Variants in PSMA1 observed in about 807,000 individuals in gnomAD.
PSMA1 encodes the protein proteasome 20S subunit alpha 1, also known as proteasome subunit alpha type-1.
Under a neutral mutation model 38.4 loss-of-function variants are expected in PSMA1, and 3 were observed. The observed-to-expected ratio is 0.08, with a 90% CI of 0.04 to 0.20. PSMA1 has a LOEUF of 0.20. PSMA1 is among the 10% of genes least tolerant of loss of function. The pLI, the probability that PSMA1 is intolerant of heterozygous loss-of-function variation, is 1.00. For synonymous variants in PSMA1, 101 were observed against 107.1 expected, an observed-to-expected ratio of 0.94 and a Z score of 0.35; for missense variants, 227 against 325.3, an observed-to-expected ratio of 0.70 and a Z score of 2.32.
chr11:14,638,539 CTCTCTCTATATATATATA>C (rs1332390089), intron 1 of PSMA1, among the ~76,000 whole-genome samples: 18 of 19,202 alleles, frequency 9.4e-4, no homozygotes, highest in South Asian at 4.4e-3. Flanking sequence ...CTCTCTCTCT[CTCTCTCTATATATATATA>C]TATATATATA....
chr11:14,544,412 T>A (rs1435602134), intron 2 of PSMA1, among the ~76,000 whole-genome samples: 1 of 152,130 alleles, frequency 6.6e-6, no homozygotes, highest in Non-Finnish European at 1.5e-5. Context: ...AAAAAAAAAT[T>A]GCAAATCATA....
chr11:14,622,755 T>G (rs540575622), intron 1 of PSMA1, among the ~76,000 whole-genome samples: 1 of 152,144 alleles, frequency 6.6e-6, no homozygotes, highest in South Asian at 2.1e-4. Context: ...AGTGAAGAGG[T>G]CCAGGCTGCA....
intron 2 of PSMA1, among the ~76,000 whole-genome samples, chr11:14,557,404 C>A (rs1851952532): frequency 6.6e-6 from 1 of 151,988 alleles, no homozygotes; most frequent in South Asian, 2.1e-4. Context: ...CCACCACACC[C>A]AGCTAATTTT....
At chr11:14,516,464 T>C (rs1262947677) in intron 4 of PSMA1, among the ~76,000 whole-genome samples, 1 of 152,186 alleles carries the variant, frequency 6.6e-6, no homozygotes, top group Non-Finnish European at 1.5e-5. Flanking sequence ...GAATTATAGG[T>C]AGGAGCCACT....
intron 4 of PSMA1, among the ~76,000 whole-genome samples, chr11:14,517,436 T>C (rs1239470952): frequency 1.3e-5 from 2 of 152,188 alleles, no homozygotes; most frequent in African/African-American, 2.4e-5. Flanking sequence ...TTCTGAAAAG[T>C]GCTAATGTTT....
At chr11:14,516,665 C>A (rs1851434831) in intron 4 of PSMA1, among the ~76,000 whole-genome samples, 1 of 152,140 alleles carries the variant, frequency 6.6e-6, no homozygotes, top group Non-Finnish European at 1.5e-5. Flanking sequence ...GTGGCTCACA[C>A]CTATAATCCC....
At position 14,507,671 on chromosome 11, in the gene PSMA1, T is replaced by C; in HGVS notation, c.720A>G (p.Pro240=). ...GATTATATACCTGTGCCTTTCTCTG[T>C]GGTCTTTCTTCAAGACCTTCCAGGA... ...SPFLEGLEER[P]QRKAQPAQPA... is the part of the protein sequence containing the mutation. The change falls in exon 9 of 10, where the codon CCA becomes CCG. Residue 240 remains proline, a synonymous_variant. Transcript: ENST00000396394. 6.2e-7 allele frequency: 1 copy of C among 1,604,814 alleles called. No individual in the cohort carries two copies. Among genetic ancestry groups the C allele is most frequent in the Non-Finnish European group, 8.5e-7 (1 of 1,171,996 alleles).
chr11:14,553,408 A>C (rs746154604), intron 2 of PSMA1, among the ~76,000 whole-genome samples: 2 of 152,142 alleles, frequency 1.3e-5, no homozygotes, highest in Admixed American at 6.6e-5. Context: ...ACAACAGTAA[A>C]AGTCAAGATA....
At position 14,534,488 on chromosome 11, in the gene PSMA1, T is replaced by C. The variant is rs1363257637; in HGVS notation, c.22-15447A>G. Among the ~76,000 whole-genome samples, 1 of 152,188 alleles carries C rather than the reference T, an allele frequency of 6.6e-6. No individual in the cohort carries two copies. Among genetic ancestry groups the C allele is most frequent in the Non-Finnish European group, 1.5e-5 (1 of 68,044 alleles). On this transcript the variant is annotated intron_variant, in intron 2 of 10. Coordinates refer to the PSMA1 transcript ENST00000418988. This position sits in a 1 kb window ranked among gnomAD's most constrained non-coding sequence, Gnocchi z 4.5. ...CCTTTTTAAAATTTTAATTTTAATTTATTTGTTTATTTTTAGGACAGGCTT... is the reference window on the plus strand; with the variant it reads ...CCTTTTTAAAATTTTAATTTTAATTCATTTGTTTATTTTTAGGACAGGCTT...
At chr11:14,542,126 C>G (rs1228773954) in intron 2 of PSMA1, among the ~76,000 whole-genome samples, 1 of 152,156 alleles carries the variant, frequency 6.6e-6, no homozygotes, top group Non-Finnish European at 1.5e-5. Context: ...TAAAAATTCT[C>G]TATACCATGG....
At chr11:14,507,441 C>T (rs1353282432) in intron 9 of PSMA1, 6 of 440,202 alleles carry the variant, frequency 1.4e-5, no homozygotes, top group Admixed American at 4.1e-5. Flanking sequence ...GCTGGGATTA[C>T]AGGCATGAGC....
At chr11:14,592,376 C>CTCTATA (rs1201045926) in intron 2 of PSMA1, among the ~76,000 whole-genome samples, 198 of 122,390 alleles carry the variant, frequency 1.6e-3, no homozygotes, top group East Asian at 5.1e-3. Flanking sequence ...CTCTCTCTCT[C>CTCTATA]TATATATATA....
intron 2 of PSMA1, among the ~76,000 whole-genome samples, chr11:14,532,034 C>G (rs1459088241): frequency 1.3e-5 from 2 of 151,972 alleles, no homozygotes; most frequent in African/African-American, 4.8e-5. Context: ...GAGAGTGCAT[C>G]TGATTCTTGC....
At chr11:14,601,683 T>G (rs1051446236) in intron 2 of PSMA1, among the ~76,000 whole-genome samples, 1 of 152,138 alleles carries the variant, frequency 6.6e-6, no homozygotes, top group Non-Finnish European at 1.5e-5. Flanking sequence ...AAAAGATTTA[T>G]AGATGCCTTA....
At chr11:14,632,215 T>C (rs537482878) in intron 1 of PSMA1, among the ~76,000 whole-genome samples, 176 of 148,820 alleles carry the variant, frequency 1.2e-3, no homozygotes, top group Non-Finnish European at 2.4e-3. Context: ...CATTATTATG[T>C]TAGCTGGTTA....
intron 2 of PSMA1, among the ~76,000 whole-genome samples, chr11:14,557,302 A>G (rs2134171460): frequency 2.0e-5 from 3 of 151,044 alleles, no homozygotes; most frequent in Middle Eastern, 6.8e-3. Context: ...CAGTAGTGTG[A>G]TCTCGGCTCA....
At chr11:14,516,547 G>GT (rs1851433201) in intron 4 of PSMA1, among the ~76,000 whole-genome samples, 1 of 152,146 alleles carries the variant, frequency 6.6e-6, no homozygotes, top group African/African-American at 2.4e-5. Context: ...ATTAGTTTTA[G>GT]CTAACTACCT....
chr11:14,634,997 T>C (rs1853094039), intron 1 of PSMA1, among the ~76,000 whole-genome samples: 1 of 152,232 alleles, frequency 6.6e-6, no homozygotes, highest in Non-Finnish European at 1.5e-5. Flanking sequence ...TTCATTCCTA[T>C]GAAGGTTTAG....
Position 14,616,231 on chromosome 11 carries a change from G to GTTTTTT in PSMA1, c.-165-5086_-165-5081dup, listed in dbSNP as rs34292683. ...AGGTGAGAGTTGGAGGATCCCAACA[G>GTTTTTT]TTTTTTTTTTTTTTTTTTTTGAGAC... On this transcript the variant is annotated intron_variant, in intron 1 of 10. Transcript: ENST00000418988. 3.2e-5 allele frequency among the ~76,000 whole-genome samples: 4 copies of GTTTTTT among 126,686 alleles called. 1 individual carries two copies. The highest frequency in any genetic ancestry group is 5.8e-5 in the African/African-American group (2 of 34,680). The allele number at this position is 126,686 out of a possible 152,430, so 83.1% of individuals were successfully genotyped here. A position where few individuals can be genotyped will look rare whatever the true frequency, so the allele number is the denominator to read the frequency against.
Sources: gnomAD v4.1 joint callset for allele counts (sites outside exome capture counted in the v4.1 genomes callset) on GRCh38, gnomAD v4.1.1 for gene constraint, Gnocchi (gnomAD v3.1) non-coding constraint, MANE v1.5 for transcripts, NCBI Gene and HGNC (gene_info 2026-07-23, HGNC 2026-07-21) for gene names.